The following CNTN4 variants were observed in gnomAD, a reference collection of about 807,000 sequenced individuals.
CNTN4 encodes contactin-4.
Under a neutral mutation model 122.5 loss-of-function variants are expected in CNTN4, and 77 were observed. The observed-to-expected ratio is 0.63, with a 90% CI of 0.52 to 0.76. The LOEUF is 0.76. Ranked by LOEUF, CNTN4 falls within the 30% of genes least tolerant of loss-of-function variation. The pLI is 0.00. For missense variants in CNTN4, 1,256 were observed against 1,259.1 expected, an observed-to-expected ratio of 1.00 and a Z score of 0.04; for synonymous variants, 512 against 447.0, an observed-to-expected ratio of 1.15 and a Z score of -1.83.
chr3:3,056,097 G>A, intron 24 of CNTN4, 23 bp from the exon 25 acceptor site: 4 of 1,602,538 alleles, frequency 2.5e-6, no homozygotes, highest in Non-Finnish European at 3.4e-6. Context: ...GCTGTTTTGA[G>A]TGAATTTGTT....
intron 14 of CNTN4, among the ~76,000 whole-genome samples, chr3:3,000,951 AT>A (rs1418950279): frequency 6.8e-6 from 1 of 147,862 alleles, no homozygotes; most frequent in Non-Finnish European, 1.5e-5. Context: ...TGAAAAGGTT[AT>A]TCCGCTAATT....
chr3:2,508,270 A>C (rs2076790125), intron 3 of CNTN4, among the ~76,000 whole-genome samples: 1 of 152,028 alleles, frequency 6.6e-6, no homozygotes, highest in Non-Finnish European at 1.5e-5. Flanking sequence ...CAATTTCTGA[A>C]CCATCCCTTT....
intron 3 of CNTN4, among the ~76,000 whole-genome samples, chr3:2,498,304 T>C (rs1211081270): frequency 6.6e-6 from 1 of 152,160 alleles, no homozygotes; most frequent in Non-Finnish European, 1.5e-5. Flanking sequence ...TGCTAGGTTG[T>C]GTGGTAATTA....
intron 4 of CNTN4, among the ~76,000 whole-genome samples, chr3:2,578,278 G>C (rs771480161): frequency 5.9e-5 from 9 of 152,122 alleles, no homozygotes; most frequent in Non-Finnish European, 1.0e-4. Flanking sequence ...TTCTAGTTCT[G>C]AGAGCAAAAA....
At chr3:2,718,513 A>C (rs11129251) in intron 4 of CNTN4, among the ~76,000 whole-genome samples, 21,960 of 152,118 alleles carry the variant, frequency 0.14, 2,157 homozygotes, top group East Asian at 0.39. Flanking sequence ...GTTGGTTTTC[A>C]TTTGAGATAG....
intron 2 of CNTN4, among the ~76,000 whole-genome samples, chr3:2,236,203 T>C (rs1369475727): frequency 6.6e-6 from 1 of 152,198 alleles, no homozygotes; most frequent in Non-Finnish European, 1.5e-5. Context: ...TTACATCCTC[T>C]AGGTCATTGC....
chr3:2,500,345 G>A (rs912557815), intron 3 of CNTN4, among the ~76,000 whole-genome samples: 6 of 151,966 alleles, frequency 3.9e-5, no homozygotes, highest in African/African-American at 9.7e-5. Flanking sequence ...GTCAGTAATT[G>A]TGTAGATTTC....
chr3:2,597,668 AGAG>A (rs1559286242), intron 4 of CNTN4, among the ~76,000 whole-genome samples: 1 of 152,148 alleles, frequency 6.6e-6, no homozygotes, highest in East Asian at 1.9e-4. Flanking sequence ...GAGCCCAGTC[AGAG>A]GAGTACAGAC....
chr3:3,045,382 T>G (rs907613531), intron 23 of CNTN4, among the ~76,000 whole-genome samples: 1 of 152,102 alleles, frequency 6.6e-6, no homozygotes. Context: ...TACCCCCCAG[T>G]AGGGGCAGAC....
chr3:2,103,117 C>G (rs888713632), intron 2 of CNTN4, among the ~76,000 whole-genome samples: 1 of 151,654 alleles, frequency 6.6e-6, no homozygotes, highest in African/African-American at 2.4e-5. Context: ...TTCATCATAG[C>G]TAGTAAGTAG....
chr3:2,453,154 A>G (rs946837569), intron 3 of CNTN4, among the ~76,000 whole-genome samples: 4 of 152,122 alleles, frequency 2.6e-5, no homozygotes, highest in African/African-American at 9.7e-5. Flanking sequence ...CTTCTTGTAC[A>G]AAATAATCTA....
chr3:2,712,301 AT>A (rs1472511896), intron 4 of CNTN4, among the ~76,000 whole-genome samples: 1 of 152,200 alleles, frequency 6.6e-6, no homozygotes, highest in Admixed American at 6.5e-5. Context: ...ATTAATTTCA[AT>A]TTAAAAATAT....
At chr3:2,153,652 T>G (rs1284113282) in intron 2 of CNTN4, among the ~76,000 whole-genome samples, 1 of 151,714 alleles carries the variant, frequency 6.6e-6, no homozygotes, top group Admixed American at 6.5e-5. Context: ...AAGGGTGTAC[T>G]TTATTCTGAG....
intron 2 of CNTN4, among the ~76,000 whole-genome samples, chr3:2,306,335 G>C (rs1263109127): frequency 6.6e-6 from 1 of 152,092 alleles, no homozygotes; most frequent in Non-Finnish European, 1.5e-5. Flanking sequence ...TTTAACTATA[G>C]TCATCTAAGT....
chr3:2,107,767 G>C (rs2032575956), intron 2 of CNTN4, among the ~76,000 whole-genome samples: 1 of 152,130 alleles, frequency 6.6e-6, no homozygotes, highest in Admixed American at 6.5e-5. Flanking sequence ...TACTGGATAA[G>C]GAAGGGAGTG....
intron 14 of CNTN4, among the ~76,000 whole-genome samples, chr3:2,996,768 G>A (rs1695575847): frequency 6.6e-6 from 1 of 152,060 alleles, no homozygotes; most frequent in Admixed American, 6.6e-5. Context: ...ACTGTCATAG[G>A]CCATACTAAT....
intron 4 of CNTN4, among the ~76,000 whole-genome samples, chr3:2,690,953 C>T (rs1352924692): frequency 6.6e-6 from 1 of 152,118 alleles, no homozygotes; most frequent in Non-Finnish European, 1.5e-5. Flanking sequence ...GTGCCCTTTA[C>T]AGAAAGAGCC....
intron 4 of CNTN4, among the ~76,000 whole-genome samples, chr3:2,580,792 T>A (rs1204531549): frequency 6.6e-6 from 1 of 152,142 alleles, no homozygotes; most frequent in Non-Finnish European, 1.5e-5. Context: ...GCACCTCAGT[T>A]TTGTATGCAC....
At chr3:2,988,495 C>G (rs201430000) in intron 14 of CNTN4, 23 bp downstream of exon 14, 1 of 1,612,518 alleles carries the variant, frequency 6.2e-7, no homozygotes, top group African/African-American at 1.3e-5. Context: ...CCAAAGAATT[C>G]GAATATTTAT....
Sources: allele counts gnomAD v4.1 joint callset (sites outside exome capture counted in the v4.1 genomes callset), GRCh38; gene constraint gnomAD v4.1.1; transcripts MANE v1.5; gene names NCBI Gene and HGNC (gene_info 2026-07-23, HGNC 2026-07-21).